The following STXBP5L variants were observed in gnomAD, a reference collection of about 807,000 sequenced individuals.
STXBP5L encodes syntaxin binding protein 5L, also known as syntaxin-binding protein 5-like.
STXBP5L carries 65 observed loss-of-function variants against 144.5 expected under a neutral mutation model. The observed-to-expected ratio is 0.45, with a 90% CI of 0.37 to 0.55. The LOEUF is 0.55. Ranked by LOEUF, STXBP5L falls within the 20% of genes least tolerant of loss-of-function variation. The pLI, the probability that STXBP5L is intolerant of heterozygous loss-of-function variation, is 0.00. For missense variants in STXBP5L, 1,298 were observed against 1,405.5 expected, an observed-to-expected ratio of 0.92 and a Z score of 1.22; for synonymous variants, 505 against 469.6, an observed-to-expected ratio of 1.08 and a Z score of -0.97.
intron 2 of STXBP5L, 66 bp downstream of exon 2, chr3:120,909,833 GA>G (rs1311463171): frequency 4.6e-5 from 67 of 1,456,540 alleles, no homozygotes; most frequent in Non-Finnish European, 5.5e-5. Context: ...AACAAGGGGG[GA>G]AAAACATACC....
At chr3:120,973,960 GT>G (rs1239080399) in intron 3 of STXBP5L, among the ~76,000 whole-genome samples, 2 of 152,132 alleles carry the variant, frequency 1.3e-5, no homozygotes. Flanking sequence ...ATTTGGGTTG[GT>G]TCCAAGTCTT....
Position 120,951,466 on chromosome 3 carries a change from C to T in STXBP5L, c.190-3474C>T, listed in dbSNP as rs11714582. On this transcript the variant is annotated intron_variant, in intron 2 of 26. Transcript: ENST00000471454. ...CTCAAACAAATTTACAAGAAAAAAA[C>T]AAACAACCCCATCAAAAAGTGGGCG... 8.7e-3 allele frequency among the ~76,000 whole-genome samples: 1,289 copies of T among 148,314 alleles called. 33 individuals carry two copies. In the East Asian group the frequency reaches 0.1, roughly 12 times the overall value.
At chr3:121,285,770 TGA>T (rs1252121206) in intron 19 of STXBP5L, among the ~76,000 whole-genome samples, 1 of 152,110 alleles carries the variant, frequency 6.6e-6, no homozygotes, top group African/African-American at 2.4e-5. Context: ...TTAATCACTC[TGA>T]GTTTCTTTCT....
At chr3:121,186,766 C>T (rs9820912) in intron 9 of STXBP5L, among the ~76,000 whole-genome samples, 15,438 of 152,070 alleles carry the variant, frequency 0.1, 1,034 homozygotes, top group Non-Finnish European at 0.15. Context: ...TATGAACAGA[C>T]GCTTCTCAAA....
chr3:121,185,308 C>T (rs1577145615), intron 9 of STXBP5L, among the ~76,000 whole-genome samples: 1 of 152,132 alleles, frequency 6.6e-6, no homozygotes, highest in Non-Finnish European at 1.5e-5. Flanking sequence ...TTAATTAGAT[C>T]CCATTTGTCA....
intron 5 of STXBP5L, among the ~76,000 whole-genome samples, chr3:121,086,110 T>C (rs1324748995): frequency 6.6e-6 from 1 of 152,146 alleles, no homozygotes; most frequent in Non-Finnish European, 1.5e-5. Flanking sequence ...GCTAGACACA[T>C]ACAGAAAATT....
chr3:121,405,347 T>C (rs954805363), intron 22 of STXBP5L, among the ~76,000 whole-genome samples: 1 of 152,128 alleles, frequency 6.6e-6, no homozygotes, highest in African/African-American at 2.4e-5. Context: ...TAATATCCCA[T>C]ATGATTACTT....
intron 5 of STXBP5L, among the ~76,000 whole-genome samples, chr3:121,061,743 G>T (rs1176771691): frequency 2.0e-5 from 3 of 152,098 alleles, no homozygotes; most frequent in Admixed American, 6.6e-5. Flanking sequence ...TGTCTCTGTT[G>T]ATCTTTGTTG....
chr3:121,009,059 G>A (rs367716426), intron 3 of STXBP5L, among the ~76,000 whole-genome samples: 3 of 151,814 alleles, frequency 2.0e-5, no homozygotes, highest in African/African-American at 4.8e-5. Flanking sequence ...TTAAAGAGAA[G>A]GATTTCATAA....
In STXBP5L at chr3:120,934,738, C is replaced by A. The variant is rs191239270; in HGVS notation, c.190-20202C>A. Among the ~76,000 whole-genome samples the A allele has an allele frequency of 3.1e-4, 47 of 152,084 alleles. 2 individuals are homozygous for A. The East Asian group carries it at 8.3e-3, about 27-fold the overall frequency. ...GGAAGAATTAGCCCCTTTATCATTA[C>A]GTAATGTCCATCTTTATCCTTGGTA... is the stretch of plus-strand genomic sequence containing the variant. On this transcript the variant is annotated intron_variant, in intron 2 of 26. Coordinates refer to ENST00000471454, the MANE Select transcript of STXBP5L (RefSeq NM_001308330.2).
intron 20 of STXBP5L, among the ~76,000 whole-genome samples, chr3:121,347,264 G>T (rs2045033984): frequency 1.3e-5 from 2 of 152,122 alleles, no homozygotes; most frequent in Non-Finnish European, 2.9e-5. Flanking sequence ...GATAGTTGTA[G>T]ATATGTGGCA....
At chr3:121,315,887 A>G (rs9879734) in intron 19 of STXBP5L, among the ~76,000 whole-genome samples, 14,995 of 151,762 alleles carry the variant, frequency 0.099, 1,171 homozygotes, top group Admixed American at 0.2. Context: ...CTGTAATCCC[A>G]GCTACTTGAG....
chr3:121,175,190 T>C (rs1485059535), intron 9 of STXBP5L, among the ~76,000 whole-genome samples: 2 of 152,054 alleles, frequency 1.3e-5, no homozygotes, highest in East Asian at 1.9e-4. Context: ...ACAGATTCTC[T>C]CTGGGGAACA....
intron 19 of STXBP5L, among the ~76,000 whole-genome samples, chr3:121,308,686 G>A (rs989354612): frequency 2.0e-5 from 3 of 151,920 alleles, no homozygotes; most frequent in Admixed American, 1.3e-4. Context: ...GGATTCACCA[G>A]AACAAATAAA....
In STXBP5L at chr3:121,250,745, T is replaced by C; in HGVS notation, c.1423T>C (p.Phe475Leu). ...ITGHADGSIK[F>L]WDASAITLQM... The stretch of plus-strand genomic sequence containing the variant: ...TAGTCATGCAGATGGATCAATAAAA[T>C]TTTGGGATGCTTCTGCAAGTAAGTT... The change falls in exon 15 of 27, where the codon TTT (phenylalanine) becomes CTT (leucine). Residue 475 changes from phenylalanine to leucine, a missense_variant. By Grantham distance (22) the Phe-to-Leu change is conservative. Transcript: ENST00000471454. The C allele has an allele frequency of 6.2e-7, 1 of 1,609,456 alleles. No individual in the cohort carries two copies. The highest frequency in any genetic ancestry group is 8.5e-7 in the Non-Finnish European group (1 of 1,177,730).
At chr3:121,031,746 C>A (rs538251998) in intron 3 of STXBP5L, among the ~76,000 whole-genome samples, 10 of 152,196 alleles carry the variant, frequency 6.6e-5, no homozygotes, top group African/African-American at 2.2e-4. Context: ...AAATTAACCA[C>A]TACACAAGGA....
intron 3 of STXBP5L, among the ~76,000 whole-genome samples, chr3:120,971,799 C>T (rs531538585): frequency 9.2e-4 from 137 of 149,602 alleles, no homozygotes; most frequent in African/African-American, 2.9e-3. Context: ...TATATACACA[C>T]ATATATATAT....
intron 3 of STXBP5L, among the ~76,000 whole-genome samples, chr3:120,967,586 C>A (rs1576515100): frequency 6.6e-6 from 1 of 152,040 alleles, no homozygotes; most frequent in African/African-American, 2.4e-5. Context: ...TTTGTTTAGT[C>A]TCAATTTTAT....
At position 121,244,313 on chromosome 3, in the gene STXBP5L, A is replaced by G. The variant is rs944387641; in HGVS notation, c.1400+3806A>G. The stretch of plus-strand genomic sequence containing the variant: ...GTCAACAACAGACTTGGCCAAGCAG[A>G]AGAAAGAATCAGTGAACTTGAAAAT... On this transcript the variant is annotated intron_variant, in intron 14 of 26. Coordinates refer to ENST00000471454, the MANE Select transcript of STXBP5L (RefSeq NM_001308330.2). Among the ~76,000 whole-genome samples, 84 of 152,000 alleles carry G rather than the reference A, an allele frequency of 5.5e-4. 1 individual carries two copies. Among genetic ancestry groups the G allele is most frequent in the Admixed American group, 3.3e-4 (5 of 15,248 alleles).
Sources: gnomAD v4.1 joint callset for allele counts (sites outside exome capture counted in the v4.1 genomes callset) on GRCh38, gnomAD v4.1.1 for gene constraint, MANE v1.5 for transcripts, NCBI Gene and HGNC (gene_info 2026-07-23, HGNC 2026-07-21) for gene names.